The following RNASEH2B variants were observed in gnomAD, a reference collection of about 807,000 sequenced individuals.
The protein encoded by RNASEH2B is ribonuclease H2 subunit B, also known as Aicardi-Goutieres syndrome 2 protein.
RNASEH2B carries 36 observed loss-of-function variants against 45.0 expected under a neutral mutation model. The observed-to-expected ratio is 0.80, with a 90% CI of 0.61 to 1.06. RNASEH2B has a LOEUF of 1.06. Ranked by LOEUF, RNASEH2B falls within the 50% of genes least tolerant of loss-of-function variation. The pLI is 0.00. For synonymous variants in RNASEH2B, 119 were observed against 125.7 expected (o/e 0.95, Z 0.35); for missense variants, 361 against 360.3 (o/e 1.00, Z -0.02).
chr13:50,956,382 C>G lies in RNASEH2B; in HGVS notation c.847C>G (p.Gln283Glu). The G allele has an allele frequency of 6.2e-7, 1 of 1,602,716 alleles. No homozygotes were observed. Among genetic ancestry groups the G allele is most frequent in the Non-Finnish European group, 8.5e-7 (1 of 1,172,882 alleles). The change falls in exon 11 of 11, where the codon CAG becomes GAG. Residue 283 changes from glutamine (Q) to glutamate (E), a missense_variant. Coordinates refer to ENST00000336617, the MANE Select transcript of RNASEH2B (RefSeq NM_024570.4). The stretch of plus-strand genomic sequence containing the variant: ...GAAAAATAGCAAAATGACTGCAGCT[C>G]AGAAGGCTTTGGCTAAAGTTGACAA... ...EKKNSKMTAAQKALAKVDKSG... is the reference protein window; with the variant it reads ...EKKNSKMTAAEKALAKVDKSG...
chr13:50,966,852 T>G (rs1952169597), intron 9 of RNASEH2B, among the ~76,000 whole-genome samples: 1 of 152,254 alleles, frequency 6.6e-6, no homozygotes, highest in African/African-American at 2.4e-5. Flanking sequence ...GTTGTTTATA[T>G]TGTATGCAAA....
chr13:50,953,833 G>C, intron 9 of RNASEH2B, 72 bp from the exon 10 acceptor site: 2 of 1,027,566 alleles, frequency 1.9e-6, no homozygotes, highest in Non-Finnish European at 3.1e-6. Flanking sequence ...TATACATGTT[G>C]GGTTTTTTTT....
At chr13:50,920,264 C>A (rs576078805) in intron 1 of RNASEH2B, among the ~76,000 whole-genome samples, 1 of 152,172 alleles carries the variant, frequency 6.6e-6, no homozygotes, top group Admixed American at 6.5e-5. Flanking sequence ...GGGCTGGTCT[C>A]TAACTCCTGG....
At chr13:50,938,335 T>C (rs1951785159) in intron 5 of RNASEH2B, 1 of 152,218 alleles carries the variant, frequency 6.6e-6, no homozygotes, top group African/African-American at 2.4e-5. Context: ...TTAAGGTATC[T>C]ATTTTCCCCA....
At chr13:50,943,511 G>A (rs1951859543) in intron 6 of RNASEH2B, 117 bp downstream of exon 6, 1 of 774,314 alleles carries the variant, frequency 1.3e-6, no homozygotes, top group African/African-American at 1.7e-5. Context: ...GTGAAAAGAG[G>A]AAAATTGTGT....
At chr13:50,967,223 T>G (rs1373999082) in intron 9 of RNASEH2B, among the ~76,000 whole-genome samples, 1 of 152,186 alleles carries the variant, frequency 6.6e-6, no homozygotes, top group Non-Finnish European at 1.5e-5. Context: ...CCTAAACTCT[T>G]TAGATGAACC....
At chr13:50,945,181 G>A (rs1951884836) in intron 6 of RNASEH2B, among the ~76,000 whole-genome samples, 1 of 152,150 alleles carries the variant, frequency 6.6e-6, no homozygotes, top group Non-Finnish European at 1.5e-5. Context: ...ATCACAATAT[G>A]TTGCCTTCTC....
intron 1 of RNASEH2B, 160 bp from the exon 2 acceptor site, chr13:50,927,247 A>G (rs1052121207): frequency 7.0e-6 from 4 of 569,134 alleles, no homozygotes; most frequent in Non-Finnish European, 1.3e-5. Flanking sequence ...CTTGCAGAGA[A>G]ATTGGTAATT....
downstream of RNASEH2B, among the ~76,000 whole-genome samples, chr13:50,960,356 T>C (rs558896190): frequency 6.6e-5 from 10 of 152,250 alleles, no homozygotes; most frequent in South Asian, 1.9e-3. Context: ...TTTTACATTA[T>C]ATTACATGGG....
intron 9 of RNASEH2B, chr13:50,952,370 A>G (rs182267693): frequency 6.6e-6 from 1 of 152,260 alleles, no homozygotes; most frequent in East Asian, 1.9e-4. Flanking sequence ...TGCATCACCT[A>G]AACACCCTTT....
chr13:50,942,428 C>G (rs1279148706), intron 5 of RNASEH2B: 36 of 152,034 alleles, frequency 2.4e-4, no homozygotes, highest in Non-Finnish European at 4.4e-5. Flanking sequence ...TAATGCTCCC[C>G]CAATCCCCAA....
intron 5 of RNASEH2B, among the ~76,000 whole-genome samples, chr13:50,939,978 G>T (rs1322389891): frequency 6.6e-6 from 1 of 152,190 alleles, no homozygotes; most frequent in Non-Finnish European, 1.5e-5. Context: ...ATTGTGAGTT[G>T]TGGGACAGTT....
At chr13:50,925,766 A>G (rs1009707726) in intron 1 of RNASEH2B, among the ~76,000 whole-genome samples, 5 of 152,166 alleles carry the variant, frequency 3.3e-5, no homozygotes, top group Admixed American at 1.3e-4. Context: ...CTACTTAAGT[A>G]GGACCCTCTG....
rs747061909 is a variant in RNASEH2B, at chr13:50,930,689, T to C, written c.251T>C (p.Leu84Pro). ...FINQSVQSGGLLHFATPVDPL... is the reference protein window; with the variant it reads ...FINQSVQSGGPLHFATPVDPL... ...TCCTTTTTGTAATCTGCAGGAGGTC[T>C]TCTCCATTTTGCCACACCTGTGGAT... Residue 84 changes from leucine (L) to proline (P), a missense_variant, in exon 4 of 11, where the codon CTT (leucine) becomes CCT (proline). Leu to Pro is a moderately conservative substitution (Grantham distance 98). Transcript: ENST00000336617. 3 of 1,611,984 alleles carry C rather than the reference T, an allele frequency of 1.9e-6. No homozygotes were observed. Among genetic ancestry groups the C allele is most frequent in the Non-Finnish European group, 2.5e-6 (3 of 1,177,976 alleles).
At chr13:50,946,970 C>A (rs1951908337) in intron 7 of RNASEH2B, among the ~76,000 whole-genome samples, 1 of 152,116 alleles carries the variant, frequency 6.6e-6, no homozygotes, top group Admixed American at 6.6e-5. Context: ...TTTCAGTTCT[C>A]CATTGACAAT....
intron 9 of RNASEH2B, among the ~76,000 whole-genome samples, chr13:50,969,273 C>T (rs1952194861): frequency 6.6e-6 from 1 of 152,016 alleles, no homozygotes; most frequent in African/African-American, 2.4e-5. Context: ...CCTTCTCATC[C>T]ACATTCTGGC....
intron 1 of RNASEH2B, among the ~76,000 whole-genome samples, chr13:50,923,724 A>T (rs1951554062): frequency 6.6e-6 from 1 of 152,252 alleles, no homozygotes; most frequent in Non-Finnish European, 1.5e-5. Flanking sequence ...ACTTGAATCC[A>T]CAAGGAGAAT....
chr13:50,964,611 G>A (rs577910107), intron 9 of RNASEH2B, among the ~76,000 whole-genome samples: 17 of 152,252 alleles, frequency 1.1e-4, no homozygotes, highest in African/African-American at 3.4e-4. Context: ...TGTCTTGCAC[G>A]GTGCCGAGCA....
chr13:50,950,011 C>T (rs772748619), intron 9 of RNASEH2B: 7 of 153,652 alleles, frequency 4.6e-5, no homozygotes, highest in Non-Finnish European at 1.0e-4. Context: ...AAATCTTTTC[C>T]TCATTCATTC....
Sources: allele counts gnomAD v4.1 joint callset (sites outside exome capture counted in the v4.1 genomes callset), GRCh38; gene constraint gnomAD v4.1.1; transcripts MANE v1.5; gene names NCBI Gene and HGNC (gene_info 2026-07-23, HGNC 2026-07-21).